The following MTMR3 variants were observed in gnomAD, a reference collection of about 807,000 sequenced individuals.
MTMR3 encodes phosphatidylinositol-3,5-bisphosphate 3-phosphatase MTMR3.
MTMR3 carries 32 observed loss-of-function variants against 132.4 expected under a neutral mutation model. That is an observed-to-expected ratio of 0.24 (90% CI 0.18 to 0.32). MTMR3 has a LOEUF of 0.32. Among genes scored for constraint, MTMR3 ranks in the 10% least tolerant of loss-of-function variants. MTMR3 has a pLI of 1.00. For missense variants in MTMR3, 1,216 were observed against 1,489.6 expected (o/e 0.82, Z 3.02); for synonymous variants, 556 against 550.3 (o/e 1.01, Z -0.14).
chr22:29,943,499 G>A (rs982615194), intron 1 of MTMR3, among the ~76,000 whole-genome samples: 1 of 152,110 alleles, frequency 6.6e-6, no homozygotes, highest in South Asian at 2.1e-4. Flanking sequence ...CTTGATGTGT[G>A]TATTTTTCTT....
intron 3 of MTMR3, among the ~76,000 whole-genome samples, chr22:29,973,512 A>AT (rs1335452756): frequency 1.3e-5 from 2 of 152,168 alleles, no homozygotes; most frequent in Non-Finnish European, 2.9e-5. Context: ...ACTGATAATT[A>AT]TTTTCACTTC....
At chr22:30,007,761 C>A in intron 10 of MTMR3, 140 bp from the exon 11 acceptor site, 1 of 989,308 alleles carries the variant, frequency 1.0e-6, no homozygotes, top group Non-Finnish European at 1.5e-6. Context: ...GAGAAAAATC[C>A]TATGTATCAA....
chr22:29,990,576 T>C (rs1196541608), intron 6 of MTMR3: 1 of 152,204 alleles, frequency 6.6e-6, no homozygotes, highest in East Asian at 1.9e-4. Context: ...AACAAATCTT[T>C]ATTTTTATTT....
chr22:30,010,770 C>CT (rs2067398494), intron 12 of MTMR3: 1 of 152,186 alleles, frequency 6.6e-6, no homozygotes, highest in Non-Finnish European at 1.5e-5. Flanking sequence ...TAAGCCTTAT[C>CT]TTTTAGTTCC....
At chr22:30,017,030 G>A (rs1345104633) in intron 15 of MTMR3, 1 of 215,224 alleles carries the variant, frequency 4.6e-6, no homozygotes, top group Non-Finnish European at 9.3e-6. Flanking sequence ...GTTGCTTCCT[G>A]ATGCACTGAT....
chr22:29,950,829 G>A (rs2066062885), intron 1 of MTMR3, among the ~76,000 whole-genome samples: 1 of 152,210 alleles, frequency 6.6e-6, no homozygotes, highest in Admixed American at 6.5e-5. Flanking sequence ...TTACCATCTT[G>A]TTAATGATAT....
Position 30,012,510 on chromosome 22 carries a change from C to G in MTMR3, c.1264C>G (p.Gln422Glu). The stretch of plus-strand genomic sequence containing the variant: ...CTCAGATGGCTGGGACCGCACCCCC[C>G]AGATTGTGGCATTGGCTAAGCTCTT... ...HCSDGWDRTPQIVALAKLLLD... is the reference protein window; with the variant it reads ...HCSDGWDRTPEIVALAKLLLD... Residue 422 changes from glutamine (Q) to glutamate (E), a missense_variant, in exon 13 of 20, where the codon CAG (glutamine) becomes GAG (glutamate). Around this residue, in one of 7 missense-constraint regions of MTMR3, gnomAD observed 106 missense variants for 209.5 expected, o/e 0.51. Transcript: ENST00000401950. 1 of 1,613,828 alleles carries G rather than the reference C, an allele frequency of 6.2e-7. No individual in the cohort carries two copies. Among genetic ancestry groups the G allele is most frequent in the East Asian group, 2.2e-5 (1 of 44,888 alleles).
intron 5 of MTMR3, chr22:29,985,821 A>C (rs1490770617): frequency 2.0e-5 from 3 of 152,212 alleles, no homozygotes; most frequent in Non-Finnish European, 4.4e-5. Flanking sequence ...AAAATATAGA[A>C]AAAAATATGT....
In MTMR3 at chr22:30,030,165, T is replaced by C. The variant is rs768369944; in HGVS notation, c.*4364T>C. 1 of 152,306 alleles carries C rather than the reference T, an allele frequency of 6.6e-6. No individual in the cohort carries two copies. Among genetic ancestry groups the C allele is most frequent in the Non-Finnish European group, 1.5e-5 (1 of 68,036 alleles). 9.4% of individuals were successfully genotyped at this position (152,306 alleles called of 1,614,324 possible). ...GTCTTCTGAAATGGGAGTTACCAGG[T>C]TTTTAAATGCTGCTATTGTTTTATT... On this transcript the variant is annotated 3_prime_UTR_variant, in exon 20 of 20. Coordinates refer to ENST00000401950, the MANE Select transcript of MTMR3 (RefSeq NM_021090.4).
chr22:30,023,751 C>G (rs1159399734), intron 19 of MTMR3: 1 of 477,796 alleles, frequency 2.1e-6, no homozygotes, highest in African/African-American at 2.0e-5. Context: ...TTCTTGTCTT[C>G]TGGTCTTGTA....
Position 30,020,063 on chromosome 22 carries a change from G to A in MTMR3, c.2404G>A (p.Ala802Thr), listed in dbSNP as rs776971678. ...GGAGCAGTTTCGAATAGAAGAGATT[G>A]CAGAGGGTAGGGAGGAAGCAGTTCT... ...PVEQFRIEEIAEGREEAVLPI... is the reference protein window; with the variant it reads ...PVEQFRIEEITEGREEAVLPI... Residue 802 changes from alanine (A) to threonine (T), a missense_variant, in exon 17 of 20, where the codon GCA becomes ACA. Physicochemically the swap from Ala to Thr is moderately conservative, Grantham distance 58. Coordinates refer to ENST00000401950, the MANE Select transcript of MTMR3 (RefSeq NM_021090.4). 7 of 1,614,232 alleles carry A rather than the reference G, an allele frequency of 4.3e-6. No homozygotes were observed. In the South Asian group the frequency reaches 6.6e-5, roughly 15 times the overall value.
chr22:29,946,315 T>C (rs1212027349), intron 1 of MTMR3, among the ~76,000 whole-genome samples: 2 of 152,054 alleles, frequency 1.3e-5, no homozygotes, highest in Non-Finnish European at 2.9e-5. Context: ...CTGTTTAGGA[T>C]AGAGGTAAAG....
At chr22:29,941,597 T>C (rs36600) in intron 1 of MTMR3, among the ~76,000 whole-genome samples, 118,977 of 151,990 alleles carry the variant, frequency 0.78, 47,028 homozygotes, top group East Asian at 0.92. Flanking sequence ...TTTAGTTAGT[T>C]CAGTGGATGT....
At chr22:30,006,987 G>A (rs1029818824) in intron 9 of MTMR3, 127 bp from the exon 10 acceptor site, 83 of 869,298 alleles carry the variant, frequency 9.5e-5, no homozygotes, top group Non-Finnish European at 1.3e-4. Flanking sequence ...TTAATACTGA[G>A]AGGACTTGAA....
At chr22:30,008,108 C>A in intron 11 of MTMR3, 76 bp downstream of exon 11, 1 of 1,555,794 alleles carries the variant, frequency 6.4e-7, no homozygotes, top group East Asian at 2.3e-5. Flanking sequence ...ACTTAGTTCC[C>A]AATTTGAAAT....
chr22:29,889,535 C>T (rs111669849), intron 1 of MTMR3, among the ~76,000 whole-genome samples: 4,123 of 152,030 alleles, frequency 0.027, 191 homozygotes, highest in African/African-American at 0.095. Context: ...GATCCGCCTG[C>T]CTTCGCCTCC....
At chr22:29,999,374 A>G (rs1414287870) in intron 8 of MTMR3, 3 of 152,318 alleles carry the variant, frequency 2.0e-5, no homozygotes, top group Non-Finnish European at 4.4e-5. Context: ...GAATATTTGC[A>G]TGAACATAAT....
chr22:30,024,267 C>A (rs1173811338), intron 19 of MTMR3: 3 of 152,312 alleles, frequency 2.0e-5, no homozygotes, highest in Non-Finnish European at 2.9e-5. Flanking sequence ...CCATTGCACT[C>A]CAGCCTGGGC....
chr22:29,925,277 C>G lies in MTMR3; in HGVS notation c.-137-31759C>G, dbSNP rs560097980. Among the ~76,000 whole-genome samples, 680 of 152,304 alleles carry G rather than the reference C, an allele frequency of 4.5e-3. 6 individuals are homozygous for G. Among genetic ancestry groups the G allele is most frequent in the African/African-American group, 0.015 (642 of 41,564 alleles). On this transcript the variant is annotated intron_variant, in intron 1 of 19. Coordinates refer to ENST00000401950, the MANE Select transcript of MTMR3 (RefSeq NM_021090.4). ...CACACTCCTGGGCTCAAGCAGTCCTCCTGCCTCAGCCTCCCAAAGTATTGG... is the reference window on the plus strand; with the variant it reads ...CACACTCCTGGGCTCAAGCAGTCCTGCTGCCTCAGCCTCCCAAAGTATTGG...
Sources: gnomAD v4.1 joint callset for allele counts (sites outside exome capture counted in the v4.1 genomes callset) on GRCh38, gnomAD v4.1.1 for gene constraint, gnomAD v4.1.1 regional missense constraint, MANE v1.5 for transcripts, NCBI Gene and HGNC (gene_info 2026-07-23, HGNC 2026-07-21) for gene names.